Variants in PCDHA3 observed in about 807,000 individuals in gnomAD.
The protein encoded by PCDHA3 is protocadherin alpha-3.
A neutral mutation model predicts 62.2 loss-of-function variants in PCDHA3; 41 were observed. That is an observed-to-expected ratio of 0.66 (90% CI 0.51 to 0.86). The LOEUF is 0.86. Among genes scored for constraint, PCDHA3 ranks in the 40% least tolerant of loss-of-function variants. The pLI is 0.00. For synonymous variants in PCDHA3, 640 were observed against 555.4 expected (o/e 1.15, Z -2.14); for missense variants, 1,304 against 1,241.2 (o/e 1.05, Z -0.76).
intron 1 of PCDHA3, among the ~76,000 whole-genome samples, chr5:140,905,368 T>C (rs536118800): frequency 6.6e-6 from 1 of 152,218 alleles, no homozygotes; most frequent in African/African-American, 2.4e-5. Flanking sequence ...TATTTCTGGT[T>C]CTCTGTTCTG....
chr5:140,988,827 G>A (rs1554250450), intron 3 of PCDHA3: 1 of 152,132 alleles, frequency 6.6e-6, no homozygotes, highest in African/African-American at 2.4e-5. Flanking sequence ...CCCAAACAGA[G>A]ATCACGTGTC....
intron 1 of PCDHA3, among the ~76,000 whole-genome samples, chr5:140,806,451 G>A (rs1554123606): frequency 6.6e-6 from 1 of 152,184 alleles, no homozygotes; most frequent in East Asian, 1.9e-4. Flanking sequence ...CAAGCTATTT[G>A]CTATAACTTC....
intron 1 of PCDHA3, among the ~76,000 whole-genome samples, chr5:140,889,804 G>A (rs940898112): frequency 1.3e-5 from 2 of 152,112 alleles, no homozygotes; most frequent in African/African-American, 2.4e-5. Context: ...TGGGATTTAT[G>A]AAGTCAGGTC....
intron 1 of PCDHA3, among the ~76,000 whole-genome samples, chr5:140,840,523 A>T (rs1554137815): frequency 6.6e-6 from 1 of 152,058 alleles, no homozygotes; most frequent in Non-Finnish European, 1.5e-5. Context: ...CAGAAGAAAG[A>T]TGAAGAACTA....
chr5:140,908,904 G>A (rs1467772032), intron 1 of PCDHA3, among the ~76,000 whole-genome samples: 2 of 152,194 alleles, frequency 1.3e-5, no homozygotes, highest in Non-Finnish European at 1.5e-5. Flanking sequence ...AGCCTCTTTC[G>A]TGGTTGTAGG....
chr5:140,820,743 G>A (rs1177782714), intron 1 of PCDHA3, among the ~76,000 whole-genome samples: 1 of 152,002 alleles, frequency 6.6e-6, no homozygotes, highest in Admixed American at 6.6e-5. Context: ...TTGTGAAATA[G>A]TATGTCATAT....
intron 3 of PCDHA3, among the ~76,000 whole-genome samples, chr5:140,999,602 G>A (rs150839481): frequency 5.1e-4 from 78 of 152,202 alleles, no homozygotes; most frequent in African/African-American, 1.9e-3. Flanking sequence ...CTACATCCTG[G>A]GGGACCTTAT....
intron 1 of PCDHA3, among the ~76,000 whole-genome samples, chr5:140,818,462 T>G (rs1353185349): frequency 3.9e-5 from 6 of 152,212 alleles, no homozygotes; most frequent in African/African-American, 1.2e-4. Flanking sequence ...AAAGAAACTT[T>G]CCTCCCACAA....
intron 1 of PCDHA3, chr5:140,805,770 T>C (rs1489324802): frequency 9.7e-6 from 2 of 206,952 alleles, no homozygotes; most frequent in African/African-American, 4.7e-5. Context: ...ATTGGGGAAA[T>C]GTCTAGAGAC....
At chr5:140,985,981 C>T (rs966841419) in intron 3 of PCDHA3, among the ~76,000 whole-genome samples, 18 of 152,140 alleles carry the variant, frequency 1.2e-4, no homozygotes, top group Middle Eastern at 6.8e-3. Context: ...CCTCGTGATC[C>T]GCCCACCTCA....
Position 140,809,380 on chromosome 5 carries a change from G to C in PCDHA3, c.2394+5789G>C, listed in dbSNP as rs1229745044. On this transcript the variant is annotated intron_variant, in intron 1 of 3. Transcript: ENST00000522353. Reference sequence around the variant, plus strand: ...GCTCTGCGCTGCCCACCGAGGGCGCGTGCGCTCCGGGCAAGCCCACGCTGG... The same window carrying C: ...GCTCTGCGCTGCCCACCGAGGGCGCCTGCGCTCCGGGCAAGCCCACGCTGG... The C allele has an allele frequency of 2.5e-6, 4 of 1,614,042 alleles. No homozygotes were observed. The East Asian group carries it at 8.9e-5, about 36-fold the overall frequency.
At chr5:140,940,258 C>A (rs2092581637) in intron 1 of PCDHA3, among the ~76,000 whole-genome samples, 1 of 152,130 alleles carries the variant, frequency 6.6e-6, no homozygotes, top group South Asian at 2.1e-4. Flanking sequence ...TCAATATCTT[C>A]TGGGTTCCAC....
In PCDHA3 at chr5:140,969,369, C is replaced by A. The variant is rs782020561; in HGVS notation, c.2395-9580C>A. The A allele has an allele frequency of 1.3e-5, 21 of 1,607,718 alleles. 2 individuals carry two copies. In the South Asian group the frequency reaches 2.3e-4, roughly 18 times the overall value. ...TCAGGGGGTCTTCTACAAACTCATG[C>A]ATTTGTTACACATCCCCCAATATCC... is the stretch of plus-strand genomic sequence containing the variant. On this transcript the variant is annotated intron_variant, in intron 1 of 3. Transcript: ENST00000522353.
chr5:140,835,858 A>G (rs1773990824), intron 1 of PCDHA3: 1 of 1,612,030 alleles, frequency 6.2e-7, no homozygotes, highest in South Asian at 1.1e-5. Context: ...CTGGTGTCCT[A>G]CTCGCTGGTG....
rs1041971288 is a variant in PCDHA3, at chr5:140,912,300, A to G, written c.2395-66649A>G. ...CCAGGAACAATACTTTGCCTCCTGT[A>G]ATCCAGTCAAGTTGACCCTCAGTAT... On this transcript the variant is annotated intron_variant, in intron 1 of 3. Coordinates refer to ENST00000522353, the MANE Select transcript of PCDHA3 (RefSeq NM_018906.3). Among the ~76,000 whole-genome samples, 5 of 152,070 alleles carry G rather than the reference A, an allele frequency of 3.3e-5. No homozygotes were observed. The East Asian group carries it at 9.7e-4, about 29-fold the overall frequency.
intron 1 of PCDHA3, chr5:140,841,803 A>C (rs1311079057): frequency 6.2e-7 from 1 of 1,613,804 alleles, no homozygotes; most frequent in African/African-American, 1.3e-5. Flanking sequence ...TCCGATGCAG[A>C]TGTTGGAGCT....
intron 1 of PCDHA3, among the ~76,000 whole-genome samples, chr5:140,951,891 C>T (rs913687305): frequency 1.3e-5 from 2 of 152,110 alleles, no homozygotes; most frequent in Non-Finnish European, 2.9e-5. Context: ...TCTCTTCTGC[C>T]TATGAGCCTG....
chr5:140,948,986 T>C (rs2094331337), intron 1 of PCDHA3, among the ~76,000 whole-genome samples: 1 of 151,752 alleles, frequency 6.6e-6, no homozygotes, highest in Non-Finnish European at 1.5e-5. Context: ...ACTGCTTTAT[T>C]TGCATTTTAC....
At chr5:140,941,222 T>C (rs147673675) in intron 1 of PCDHA3, among the ~76,000 whole-genome samples, 3 of 116,858 alleles carry the variant, frequency 2.6e-5, no homozygotes, top group African/African-American at 6.4e-5. Flanking sequence ...TTCCTTTCTT[T>C]CTTTCTTTCT....
Sources: gnomAD v4.1 joint callset for allele counts (sites outside exome capture counted in the v4.1 genomes callset) on GRCh38, gnomAD v4.1.1 for gene constraint, MANE v1.5 for transcripts, NCBI Gene and HGNC (gene_info 2026-07-23, HGNC 2026-07-21) for gene names.